LNP1: variants seen among roughly 807,000 people sequenced by gnomAD.
LNP1 encodes leukemia NUP98 fusion partner 1.
Under a neutral mutation model 14.5 loss-of-function variants are expected in LNP1, and 12 were observed. That is an observed-to-expected ratio of 0.83 (90% CI 0.53 to 1.34). The LOEUF is 1.34. LNP1 is among the 40% of genes most tolerant of loss of function. The probability of loss-of-function intolerance (pLI) is 0.00; values close to 1 mark genes in which losing one functional copy is unlikely to be tolerated. For missense variants in LNP1, 198 were observed against 210.9 expected (o/e 0.94, Z 0.38); for synonymous variants, 75 against 71.4 (o/e 1.05, Z -0.26).
chr3:100,450,739 GAAAACAAAAC>G (rs762434332), intron 2 of LNP1, among the ~76,000 whole-genome samples: 1 of 152,048 alleles, frequency 6.6e-6, no homozygotes, highest in African/African-American at 2.4e-5. Flanking sequence ...TAAGAAGCAG[GAAAACAAAAC>G]AAAACAAAAC....
chr3:100,412,712 G>A (rs980967403), intron 1 of LNP1, among the ~76,000 whole-genome samples: 1 of 152,024 alleles, frequency 6.6e-6, no homozygotes, highest in African/African-American at 2.4e-5. Flanking sequence ...TTTCTCTTTT[G>A]TATTAGACCA....
rs146490616 is a variant in LNP1, at chr3:100,413,110, C to A, written c.-34+10671C>A. On this transcript the variant is annotated intron_variant, in intron 1 of 3. Transcript: ENST00000383693. ...AAATAGTCTACTTCCATCACAACCA[C>A]CTTTATAGCCTCTGGCTAGATCCCA... Among the ~76,000 whole-genome samples the A allele has an allele frequency of 2.6e-3, 390 of 152,330 alleles. 1 individual carries two copies. The highest frequency in any genetic ancestry group is 8.9e-3 in the African/African-American group (371 of 41,578).
At chr3:100,418,355 G>T (rs141937282) in intron 1 of LNP1, among the ~76,000 whole-genome samples, 1 of 151,724 alleles carries the variant, frequency 6.6e-6, no homozygotes, top group South Asian at 2.1e-4. Flanking sequence ...ACCATGCTCC[G>T]CTTCACATCA....
At chr3:100,427,453 A>G (rs1382440074) in intron 1 of LNP1, among the ~76,000 whole-genome samples, 1 of 152,182 alleles carries the variant, frequency 6.6e-6, no homozygotes, top group Non-Finnish European at 1.5e-5. Flanking sequence ...TTTACCTCTC[A>G]CAACAGACAT....
intron 1 of LNP1, among the ~76,000 whole-genome samples, chr3:100,421,143 T>C (rs1463907371): frequency 2.0e-5 from 3 of 152,212 alleles, no homozygotes; most frequent in East Asian, 1.9e-4. Context: ...TGCACCGGGC[T>C]GAAGACTCAT....
chr3:100,408,435 G>A (rs1028572018), intron 1 of LNP1, among the ~76,000 whole-genome samples: 1 of 152,250 alleles, frequency 6.6e-6, no homozygotes, highest in Non-Finnish European at 1.5e-5. Context: ...GGCTGGTGCA[G>A]CACTTGGGTG....
At chr3:100,446,098 G>A (rs111519699) in intron 2 of LNP1, among the ~76,000 whole-genome samples, 1 of 151,246 alleles carries the variant, frequency 6.6e-6, no homozygotes, top group African/African-American at 2.4e-5. Flanking sequence ...GGAAAAAACT[G>A]CTTTAAAGTT....
At chr3:100,424,783 A>G (rs543450840) in intron 1 of LNP1, among the ~76,000 whole-genome samples, 2 of 152,220 alleles carry the variant, frequency 1.3e-5, no homozygotes, top group Non-Finnish European at 2.9e-5. Flanking sequence ...CAGGCCTGCT[A>G]TATTAACCAT....
intron 1 of LNP1, 42 bp from the exon 2 acceptor site, chr3:100,429,655 T>C (rs972791193): frequency 2.6e-5 from 34 of 1,329,036 alleles, no homozygotes; most frequent in African/African-American, 4.4e-5. Context: ...CTGGGTTTCA[T>C]TGTCAGCCCT....
intron 1 of LNP1, among the ~76,000 whole-genome samples, chr3:100,403,704 G>T (rs1353335685): frequency 6.6e-6 from 1 of 152,166 alleles, no homozygotes; most frequent in African/African-American, 2.4e-5. Flanking sequence ...CTCCCAAAGT[G>T]CTGGGAATAC....
rs539523771 is a variant in LNP1 at position 100,431,056 on chromosome 3, T to C, written c.156+1171T>C. Among the ~76,000 whole-genome samples, 14 of 152,320 alleles carry C rather than the reference T, an allele frequency of 9.2e-5. No homozygotes were observed. In the East Asian group the frequency reaches 1.3e-3, roughly 15 times the overall value. ...TATTGCCTCTCATTTTAATATATAT[T>C]CCACAATGAGCAAAATATCCAGGCT... On this transcript the variant is annotated intron_variant, in intron 2 of 3. Coordinates refer to ENST00000383693, the MANE Select transcript of LNP1 (RefSeq NM_001085451.2).
intron 1 of LNP1, among the ~76,000 whole-genome samples, chr3:100,409,503 TGTG>T (rs1325199283): frequency 6.7e-6 from 1 of 150,006 alleles, no homozygotes. Flanking sequence ...ATTAGCTGGG[TGTG>T]GTGGTGGGCG....
Position 100,412,184 on chromosome 3 carries a change from T to C in LNP1, c.-34+9745T>C, listed in dbSNP as rs1021761841. Reference sequence around the variant, plus strand: ...GAAGTTCAAAGAGGATGTGAACATGTGTGAAGACAGACCAAACGAGAAACC... The same window carrying C: ...GAAGTTCAAAGAGGATGTGAACATGCGTGAAGACAGACCAAACGAGAAACC... On this transcript the variant is annotated intron_variant, in intron 1 of 3. Transcript: ENST00000383693. Among the ~76,000 whole-genome samples, 19 of 152,336 alleles carry C rather than the reference T, an allele frequency of 1.2e-4. 1 individual carries two copies. Among genetic ancestry groups the C allele is most frequent in the African/African-American group, 4.1e-4 (17 of 41,576 alleles).
intron 2 of LNP1, among the ~76,000 whole-genome samples, chr3:100,439,345 A>G (rs756115571): frequency 6.6e-6 from 1 of 151,732 alleles, no homozygotes; most frequent in Non-Finnish European, 1.5e-5. Flanking sequence ...AGAGTCTGAT[A>G]TGTTTTAACA....
chr3:100,450,323 T>C (rs966386953), intron 2 of LNP1, among the ~76,000 whole-genome samples: 1 of 151,526 alleles, frequency 6.6e-6, no homozygotes, highest in Non-Finnish European at 1.5e-5. Context: ...TAATGCCAAC[T>C]GGATGTTAAT....
At chr3:100,423,165 G>A (rs529525824) in intron 1 of LNP1, among the ~76,000 whole-genome samples, 25 of 152,016 alleles carry the variant, frequency 1.6e-4, no homozygotes, top group Non-Finnish European at 2.6e-4. Context: ...TATTTTGACC[G>A]TTAAAAAGAA....
chr3:100,425,031 C>G (rs533978855), intron 1 of LNP1, among the ~76,000 whole-genome samples: 1 of 152,136 alleles, frequency 6.6e-6, no homozygotes, highest in East Asian at 1.9e-4. Flanking sequence ...GGCATCAATT[C>G]GAGCACAGCA....
intron 1 of LNP1, among the ~76,000 whole-genome samples, chr3:100,412,239 A>G (rs1234756357): frequency 1.3e-5 from 2 of 152,164 alleles, no homozygotes; most frequent in Non-Finnish European, 1.5e-5. Flanking sequence ...TTTCTTAGGA[A>G]CTAATCTGTT....
At chr3:100,430,763 T>A (rs1262526588) in intron 2 of LNP1, among the ~76,000 whole-genome samples, 1 of 152,236 alleles carries the variant, frequency 6.6e-6, no homozygotes, top group Non-Finnish European at 1.5e-5. Flanking sequence ...CCCAGACACA[T>A]AATGTCTATA....
Sources: allele counts gnomAD v4.1 joint callset (sites outside exome capture counted in the v4.1 genomes callset), GRCh38; gene constraint gnomAD v4.1.1; transcripts MANE v1.5; gene names NCBI Gene and HGNC (gene_info 2026-07-23, HGNC 2026-07-21).